Variants in PHF20 observed in about 807,000 individuals in gnomAD.
PHF20 encodes the protein glioma-expressed antigen 2.
Under a neutral mutation model 113.5 loss-of-function variants are expected in PHF20, and 23 were observed. The observed-to-expected ratio is 0.20, with a 90% CI of 0.15 to 0.29. The LOEUF (loss-of-function observed/expected upper bound fraction) is 0.29. Ranked by LOEUF, PHF20 falls within the 10% of genes least tolerant of loss-of-function variation. The pLI is 1.00. For missense variants in PHF20, 943 were observed against 1,219.6 expected, an observed-to-expected ratio of 0.77 and a Z score of 3.38; for synonymous variants, 434 against 457.3, an observed-to-expected ratio of 0.95 and a Z score of 0.65.
At chr20:35,906,268 TAAAAC>T (rs1476362791) in intron 10 of PHF20, among the ~76,000 whole-genome samples, 4 of 152,134 alleles carry the variant, frequency 2.6e-5, no homozygotes, top group Non-Finnish European at 5.9e-5. Flanking sequence ...CTCCTCCCCT[TAAAAC>T]AAAAAGAGCA....
chr20:35,787,421 T>TG (rs1386932875), intron 1 of PHF20, among the ~76,000 whole-genome samples: 2 of 151,930 alleles, frequency 1.3e-5, no homozygotes, highest in African/African-American at 4.8e-5. Context: ...TCAGGTGATC[T>TG]GCCCGCCTCC....
At chr20:35,826,797 G>A (rs919183714) in intron 2 of PHF20, among the ~76,000 whole-genome samples, 1 of 152,170 alleles carries the variant, frequency 6.6e-6, no homozygotes, top group African/African-American at 2.4e-5. Context: ...CTGATAGAAG[G>A]GGTTTAGGGG....
intron 2 of PHF20, among the ~76,000 whole-genome samples, chr20:35,839,925 C>G (rs923003291): frequency 6.6e-6 from 1 of 152,162 alleles, no homozygotes; most frequent in Non-Finnish European, 1.5e-5. Flanking sequence ...GAGTGGAATT[C>G]ATTTGCTAAA....
chr20:35,825,154 A>G (rs183436242), intron 2 of PHF20, among the ~76,000 whole-genome samples: 1 of 152,262 alleles, frequency 6.6e-6, no homozygotes, highest in East Asian at 1.9e-4. Flanking sequence ...TAGTAGCTGC[A>G]CCATTTTACA....
At chr20:35,869,063 C>T (rs1016574910) in intron 6 of PHF20, among the ~76,000 whole-genome samples, 10 of 151,820 alleles carry the variant, frequency 6.6e-5, no homozygotes, top group Admixed American at 2.0e-4. Flanking sequence ...TGCACTCCAG[C>T]TTGGGTGACA....
chr20:35,946,953 C>T (rs2056096502), intron 17 of PHF20, among the ~76,000 whole-genome samples: 1 of 152,054 alleles, frequency 6.6e-6, no homozygotes, highest in Non-Finnish European at 1.5e-5. Context: ...TGTGATCTGC[C>T]CGCCTCGACC....
chr20:35,871,786 G>T lies in PHF20; in HGVS notation c.1239G>T (p.Pro413=). ...GAGAAAACACGATGAAAACAGAACC[G>T]ACTTCTCCCCTTGTGGAATTACAAG... ...SMGENTMKTE[P]TSPLVELQEI... is the part of the protein sequence containing the mutation. Residue 413 remains proline (P), a synonymous_variant, in exon 9 of 18, where the codon CCG becomes CCT. Transcript: ENST00000374012. 2 of 1,612,336 alleles carry T rather than the reference G, an allele frequency of 1.2e-6. No individual in the cohort carries two copies. Among genetic ancestry groups the T allele is most frequent in the Non-Finnish European group, 1.7e-6 (2 of 1,179,168 alleles).
At chr20:35,839,730 G>C (rs1359850632) in intron 2 of PHF20, among the ~76,000 whole-genome samples, 1 of 152,192 alleles carries the variant, frequency 6.6e-6, no homozygotes, top group African/African-American at 2.4e-5. Flanking sequence ...TTTTGAGCAA[G>C]TAAGGTATGC....
At chr20:35,870,303 CAAAAAAA>C (rs1174014648) in intron 7 of PHF20, among the ~76,000 whole-genome samples, 47 of 53,216 alleles carry the variant, frequency 8.8e-4, no homozygotes, top group Middle Eastern at 0.01. Flanking sequence ...GACTCCGTCT[CAAAAAAA>C]AAAAAAAAAA....
At chr20:35,826,130 C>T (rs1220204564) in intron 2 of PHF20, among the ~76,000 whole-genome samples, 8 of 152,030 alleles carry the variant, frequency 5.3e-5, no homozygotes, top group East Asian at 1.9e-4. Flanking sequence ...CTGCAACCTC[C>T]GCCTCCTGGG....
rs1054038808 is a variant in PHF20, at chr20:35,938,755, G to A, written c.2359G>A (p.Glu787Lys). ...WCQPWKQHSGEGRSHFRNIPV... is the reference protein window; with the variant it reads ...WCQPWKQHSGKGRSHFRNIPV... ...CCAGCCTTGGAAACAGCACTCAGGG[G>A]AGGGGAGATCTCATTTCAGAAACAT... Residue 787 changes from glutamate (E) to lysine (K), a missense_variant, in exon 16 of 18, where the codon GAG becomes AAG. By Grantham distance (56) the Glu-to-Lys change is moderately conservative. This residue lies in a region of PHF20 where 349 missense variants were observed against 412.3 expected (regional missense o/e 0.85). Transcript: ENST00000374012. 6 of 1,614,110 alleles carry A rather than the reference G, an allele frequency of 3.7e-6. No homozygotes were observed. The East Asian group carries it at 8.9e-5, about 24-fold the overall frequency.
chr20:35,912,021 G>A (rs1456391505), intron 10 of PHF20, among the ~76,000 whole-genome samples: 4 of 136,952 alleles, frequency 2.9e-5, no homozygotes, highest in Non-Finnish European at 4.7e-5. Flanking sequence ...TCGCTCTGTC[G>A]CCAGGCTGGA....
chr20:35,810,414 C>T (rs765425508), intron 2 of PHF20, among the ~76,000 whole-genome samples: 23 of 152,206 alleles, frequency 1.5e-4, no homozygotes, highest in Admixed American at 4.6e-4. Context: ...CTTTGAGTGA[C>T]GCCTTTGTTT....
At chr20:35,857,219 G>C (rs928518049) in intron 4 of PHF20, among the ~76,000 whole-genome samples, 1 of 152,170 alleles carries the variant, frequency 6.6e-6, no homozygotes, top group Non-Finnish European at 1.5e-5. Context: ...GGCAAAAATG[G>C]GTGGGGCATG....
chr20:35,796,522 T>G (rs2041670140), intron 1 of PHF20, among the ~76,000 whole-genome samples: 1 of 152,192 alleles, frequency 6.6e-6, no homozygotes, highest in South Asian at 2.1e-4. Flanking sequence ...TATAAAAAGA[T>G]GGCCATGGTC....
intron 1 of PHF20, among the ~76,000 whole-genome samples, chr20:35,785,646 C>T (rs1159304898): frequency 6.6e-6 from 1 of 151,926 alleles, no homozygotes; most frequent in Non-Finnish European, 1.5e-5. Context: ...TGAATTGTCT[C>T]ATAAATATCT....
At chr20:35,787,388 AG>A (rs1431098058) in intron 1 of PHF20, among the ~76,000 whole-genome samples, 1 of 151,618 alleles carries the variant, frequency 6.6e-6, no homozygotes, top group Non-Finnish European at 1.5e-5. Context: ...CATGTTGGTC[AG>A]GCTGGTCTCT....
chr20:35,851,608 G>A (rs1395590808), intron 4 of PHF20, among the ~76,000 whole-genome samples: 7 of 142,644 alleles, frequency 4.9e-5, no homozygotes, highest in Non-Finnish European at 1.1e-4. Flanking sequence ...TTTTTGCCTA[G>A]ATAGCCTTTA....
chr20:35,930,015 C>T (rs2055721361), intron 14 of PHF20, among the ~76,000 whole-genome samples: 1 of 152,152 alleles, frequency 6.6e-6, no homozygotes, highest in South Asian at 2.1e-4. Context: ...AAAGCTTTTC[C>T]CTGGGACTTT....
Sources: allele counts gnomAD v4.1 joint callset (sites outside exome capture counted in the v4.1 genomes callset), GRCh38; gene constraint gnomAD v4.1.1; regional missense constraint gnomAD v4.1.1; transcripts MANE v1.5; gene names NCBI Gene and HGNC (gene_info 2026-07-23, HGNC 2026-07-21).